ZMYM2: variants seen among roughly 807,000 people sequenced by gnomAD.
ZMYM2 encodes the protein zinc finger MYM-type containing 2, also known as zinc finger MYM-type protein 2.
Under a neutral mutation model 162.8 loss-of-function variants are expected in ZMYM2, and 56 were observed. That is an observed-to-expected ratio of 0.34 (90% CI 0.28 to 0.43). ZMYM2 has a LOEUF of 0.43. Ranked by LOEUF, ZMYM2 falls within the 20% of genes least tolerant of loss-of-function variation. The probability of loss-of-function intolerance (pLI) is 1.00; values close to 1 mark genes in which losing one functional copy is unlikely to be tolerated. For missense variants in ZMYM2, 1,275 were observed against 1,621.8 expected (o/e 0.79, Z 3.67); for synonymous variants, 510 against 541.6 (o/e 0.94, Z 0.81).
chr13:19,924,505 C>G, the ZMYM2 span, among the ~76,000 whole-genome samples: 2 of 152,220 alleles, frequency 1.3e-5, no homozygotes, highest in African/African-American at 4.8e-5. Flanking sequence ...GAGGCGGAGG[C>G]TGCAGTGAGC....
At chr13:20,039,060 C>T (rs192276283) in intron 12 of ZMYM2, among the ~76,000 whole-genome samples, 144 of 152,114 alleles carry the variant, frequency 9.5e-4, no homozygotes, top group African/African-American at 3.0e-3. Context: ...GATTGTGTAT[C>T]TAATTTGGCC....
intron 2 of ZMYM2, among the ~76,000 whole-genome samples, chr13:19,972,440 A>G (rs1956409828): frequency 6.6e-6 from 1 of 152,148 alleles, no homozygotes; most frequent in South Asian, 2.1e-4. Context: ...TTTTAAAAAC[A>G]TGTATAGTAT....
At chr13:19,918,221 G>T in the ZMYM2 span, among the ~76,000 whole-genome samples, 1 of 152,030 alleles carries the variant, frequency 6.6e-6, no homozygotes. Flanking sequence ...AAGGTGGGTG[G>T]ATTACCTGAG....
chr13:19,983,288 G>A (rs145680671), intron 2 of ZMYM2, among the ~76,000 whole-genome samples: 362 of 152,168 alleles, frequency 2.4e-3, no homozygotes, highest in African/African-American at 8.5e-3. Context: ...GGAATTACAG[G>A]TGTGTGCCAT....
chr13:19,975,790 C>G (rs1956726769), intron 2 of ZMYM2, among the ~76,000 whole-genome samples: 1 of 152,176 alleles, frequency 6.6e-6, no homozygotes, highest in African/African-American at 2.4e-5. Flanking sequence ...ACCAGCAATA[C>G]AGAAGAGTTC....
chr13:19,868,135 C>T, the ZMYM2 span, among the ~76,000 whole-genome samples: 4 of 152,218 alleles, frequency 2.6e-5, no homozygotes, highest in Non-Finnish European at 4.4e-5. Context: ...AGAAAACCAC[C>T]TGATCTGTGT....
chr13:20,074,001 T>C (rs1593242794), intron 21 of ZMYM2, among the ~76,000 whole-genome samples: 1 of 152,170 alleles, frequency 6.6e-6, no homozygotes, highest in East Asian at 1.9e-4. Flanking sequence ...TCTGTACTCA[T>C]TAAATAATAA....
Position 20,087,993 on chromosome 13 carries a change from T to G in ZMYM2, c.*1979T>G, listed in dbSNP as rs1240469259. On this transcript the variant is annotated 3_prime_UTR_variant, in exon 25 of 25. Transcript: ENST00000610343. ...ATTCCATCAAGAGCAATAAAGTTTT[T>G]CCCAGGTGTCACTTATTGTATATGT... The G allele has an allele frequency of 5.1e-6, 1 of 195,774 alleles. No homozygotes were observed. The highest frequency in any genetic ancestry group is 1.1e-5 in the Non-Finnish European group (1 of 94,078). 12.1% of individuals were successfully genotyped at this position (195,774 alleles called of 1,614,324 possible).
chr13:19,922,890 C>T, the ZMYM2 span, among the ~76,000 whole-genome samples: 1 of 151,714 alleles, frequency 6.6e-6, no homozygotes, highest in Non-Finnish European at 1.5e-5. Context: ...AGCGAGGTGG[C>T]GCATGCCTGT....
chr13:20,009,436 A>C (rs1950999832), intron 6 of ZMYM2, among the ~76,000 whole-genome samples: 1 of 152,214 alleles, frequency 6.6e-6, no homozygotes, highest in Non-Finnish European at 1.5e-5. Context: ...TAAAATTTGC[A>C]GTTTTAAGTA....
At chr13:20,006,273 A>G in intron 5 of ZMYM2, 101 bp from the exon 6 acceptor site, 2 of 1,244,876 alleles carry the variant, frequency 1.6e-6, no homozygotes, top group South Asian at 3.5e-5. Flanking sequence ...TTCTCCAAAC[A>G]AGCCTTATTA....
the ZMYM2 span, among the ~76,000 whole-genome samples, chr13:19,885,943 A>ATATG: frequency 2.5e-3 from 60 of 24,392 alleles, 17 homozygotes; most frequent in Middle Eastern, 0.056. Context: ...ACACATATAT[A>ATATG]TGTATATACA....
chr13:19,964,089 A>T (rs1206024871), intron 2 of ZMYM2, among the ~76,000 whole-genome samples: 3 of 152,186 alleles, frequency 2.0e-5, no homozygotes, highest in African/African-American at 7.2e-5. Context: ...CATAAGAGTA[A>T]ACTGGTTGGC....
At chr13:19,915,678 A>G in the ZMYM2 span, among the ~76,000 whole-genome samples, 1 of 148,672 alleles carries the variant, frequency 6.7e-6, no homozygotes, top group Non-Finnish European at 1.5e-5. Context: ...TAATTTTTGT[A>G]TTTTTAGTAG....
chr13:19,873,126 T>C, the ZMYM2 span, among the ~76,000 whole-genome samples: 2 of 152,184 alleles, frequency 1.3e-5, no homozygotes, highest in African/African-American at 4.8e-5. Flanking sequence ...ATTGCAGCCA[T>C]AATGACAGAG....
rs1949827607 is a variant in ZMYM2 at position 19,994,007 on chromosome 13, G to T, written c.847+88G>T. On this transcript the variant is annotated intron_variant, in intron 3 of 24. Transcript: ENST00000610343. The stretch of plus-strand genomic sequence containing the variant: ...TCATTGTAGTAACTGGTATTACCTT[G>T]TTTAGTTTCATCATGTGAAATATGT... 7 of 1,402,606 alleles carry T rather than the reference G, an allele frequency of 5.0e-6. No individual in the cohort carries two copies. In the South Asian group the frequency reaches 6.0e-5, roughly 12 times the overall value. 86.9% of individuals were successfully genotyped at this position (1,402,606 alleles called of 1,614,324 possible).
At chr13:19,969,769 T>G (rs912027045) in intron 2 of ZMYM2, among the ~76,000 whole-genome samples, 2 of 152,250 alleles carry the variant, frequency 1.3e-5, no homozygotes, top group East Asian at 3.9e-4. Flanking sequence ...ATTTGTCTAA[T>G]AAGGAAATTC....
the ZMYM2 span, among the ~76,000 whole-genome samples, chr13:19,866,521 C>T: frequency 3.7e-4 from 57 of 152,086 alleles, no homozygotes; most frequent in Non-Finnish European, 7.6e-4. Flanking sequence ...CAAAAGTAGC[C>T]GGGCGTGGTG....
chr13:19,992,468 G>C (rs976329685), intron 2 of ZMYM2, among the ~76,000 whole-genome samples: 16 of 152,130 alleles, frequency 1.1e-4, no homozygotes, highest in African/African-American at 3.9e-4. Flanking sequence ...TTGGAGGTGG[G>C]AGGATCGCCT....
Sources: allele counts gnomAD v4.1 joint callset (sites outside exome capture counted in the v4.1 genomes callset), GRCh38; gene constraint gnomAD v4.1.1; transcripts MANE v1.5; gene names NCBI Gene and HGNC (gene_info 2026-07-23, HGNC 2026-07-21).